Variants in LEMD3 observed in about 807,000 individuals in gnomAD.
The protein encoded by LEMD3 is inner nuclear membrane protein Man1.
A neutral mutation model predicts 95.2 loss-of-function variants in LEMD3; 33 were observed. The ratio of observed to expected loss-of-function variants is 0.35; its 90% CI spans 0.26 to 0.46. LEMD3 has a LOEUF of 0.46. Among genes scored for constraint, LEMD3 ranks in the 20% least tolerant of loss-of-function variants. LEMD3 has a pLI of 1.00. For missense variants in LEMD3, 1,210 were observed against 1,192.8 expected (o/e 1.01, Z -0.21); for synonymous variants, 525 against 474.6 (o/e 1.11, Z -1.38).
chr12:65,208,530 A>G (rs1869832274), intron 1 of LEMD3, among the ~76,000 whole-genome samples: 1 of 152,106 alleles, frequency 6.6e-6, no homozygotes, highest in African/African-American at 2.4e-5. Flanking sequence ...GTAACAGTAT[A>G]TGTTGTTTCC....
rs531177538 is a variant in LEMD3, at chr12:65,243,588, C to T, written c.2387+119C>T. The T allele has an allele frequency of 5.9e-5, 43 of 725,622 alleles. No homozygotes were observed. The African/African-American group carries it at 7.0e-4, about 12-fold the overall frequency. The allele number at this position is 725,622 out of a possible 1,614,324, so 44.9% of individuals were successfully genotyped here. A position where few individuals can be genotyped will look rare whatever the true frequency, so the allele number is the denominator to read the frequency against. Reference sequence around the variant, plus strand: ...AAATGTTTTTCTTCTGAATCTCTACCACAGAAATGTTATGTTTTTCTCTTT... The same window carrying T: ...AAATGTTTTTCTTCTGAATCTCTACTACAGAAATGTTATGTTTTTCTCTTT... On this transcript the variant is annotated intron_variant, in intron 10 of 12. Coordinates refer to ENST00000308330, the MANE Select transcript of LEMD3 (RefSeq NM_014319.5).
At chr12:65,235,990 T>C (rs1870761769) in intron 4 of LEMD3, among the ~76,000 whole-genome samples, 1 of 152,208 alleles carries the variant, frequency 6.6e-6, no homozygotes, top group African/African-American at 2.4e-5. Flanking sequence ...AAAATCCTAA[T>C]AGTAGTTTCA....
intron 1 of LEMD3, among the ~76,000 whole-genome samples, chr12:65,185,029 C>T (rs1304641599): frequency 6.6e-6 from 1 of 151,936 alleles, no homozygotes; most frequent in African/African-American, 2.4e-5. Context: ...CCAGGCTAGC[C>T]TCAAGTAATT....
chr12:65,177,277 G>A (rs952731021), intron 1 of LEMD3, among the ~76,000 whole-genome samples: 11 of 152,180 alleles, frequency 7.2e-5, no homozygotes, highest in African/African-American at 2.7e-4. Flanking sequence ...GGAAGGAGTA[G>A]GGTGATGACA....
At chr12:65,194,140 G>A (rs532186932) in intron 1 of LEMD3, among the ~76,000 whole-genome samples, 1 of 152,198 alleles carries the variant, frequency 6.6e-6, no homozygotes, top group East Asian at 1.9e-4. Context: ...TCTTCCTTCT[G>A]TCAAGGTTCC....
At chr12:65,190,423 G>A (rs1211341310) in intron 1 of LEMD3, among the ~76,000 whole-genome samples, 1 of 152,136 alleles carries the variant, frequency 6.6e-6, no homozygotes, top group Admixed American at 6.6e-5. Flanking sequence ...AACATATACA[G>A]TCTATTCTCT....
chr12:65,242,392 A>C lies in LEMD3; in HGVS notation c.2306-996A>C, dbSNP rs564783612. Among the ~76,000 whole-genome samples, 58 of 152,130 alleles carry C rather than the reference A, an allele frequency of 3.8e-4. 1 individual carries two copies. Among genetic ancestry groups the C allele is most frequent in the Non-Finnish European group, 5.3e-4 (36 of 68,024 alleles). On this transcript the variant is annotated intron_variant, in intron 9 of 12. Coordinates refer to ENST00000308330, the MANE Select transcript of LEMD3 (RefSeq NM_014319.5). The stretch of plus-strand genomic sequence containing the variant: ...ATTTACCATATTGGGATAACTCCCA[A>C]ATTTTTTATTTTGAATGAAGTCTGG...
rs1441766976 is a variant in LEMD3 at position 65,169,896 on chromosome 12, C to T, written c.300C>T (p.Tyr100=). Residue 100 remains tyrosine (Y), a synonymous_variant, in exon 1 of 13, where the codon TAC becomes TAT. Coordinates refer to ENST00000308330, the MANE Select transcript of LEMD3 (RefSeq NM_014319.5). ...GVRPVSGDLS[Y]LRTPGGLCRI... ...GGCCGGTCTCGGGCGACCTCTCCTA[C>T]TTACGGACTCCTGGGGGCCTGTGCC... 2 of 1,451,944 alleles carry T rather than the reference C, an allele frequency of 1.4e-6. No individual in the cohort carries two copies. Among genetic ancestry groups the T allele is most frequent in the African/African-American group, 1.5e-5 (1 of 68,924 alleles). The allele number at this position is 1,451,944 out of a possible 1,614,324, so 89.9% of individuals were successfully genotyped here. A position where few individuals can be genotyped will look rare whatever the true frequency, so the allele number is the denominator to read the frequency against.
chr12:65,180,989 A>AACACACACACACACAC (rs71096029), intron 1 of LEMD3, among the ~76,000 whole-genome samples: 46 of 149,176 alleles, frequency 3.1e-4, no homozygotes, highest in African/African-American at 1.1e-3. Flanking sequence ...TATGTACACA[A>AACACACACACACACAC]ACACACACAC....
chr12:65,190,682 C>A (rs922985567), intron 1 of LEMD3, among the ~76,000 whole-genome samples: 2 of 152,190 alleles, frequency 1.3e-5, no homozygotes, highest in East Asian at 3.9e-4. Context: ...ACCCCAAACA[C>A]CATAGGCACA....
At chr12:65,194,192 C>T (rs968656279) in intron 1 of LEMD3, among the ~76,000 whole-genome samples, 6 of 152,178 alleles carry the variant, frequency 3.9e-5, no homozygotes, top group African/African-American at 1.4e-4. Context: ...TGCTCAAGTT[C>T]CACAGTTGGC....
rs756800816 is a variant in LEMD3 at position 65,169,827 on chromosome 12, AGCCGCGGGACCAGCGGCGGCGGCG to A, written c.240_263del (p.Pro81_Gly88del). On this transcript the variant is annotated inframe_deletion, in exon 1 of 13. Transcript: ENST00000308330. ...ATAACACGGCAGCCGCCACGGTCGC[AGCCGCGGGACCAGCGGCGGCGGCG>A]GCCGCGGGGATGGGGGTCCGGCCGG... 1.8e-3 allele frequency: 2,706 copies of A among 1,483,558 alleles called. 4 individuals carry two copies. Among genetic ancestry groups the A allele is most frequent in the Non-Finnish European group, 2.2e-3 (2,450 of 1,115,008 alleles). The allele number at this position is 1,483,558 out of a possible 1,614,324, so 91.9% of individuals were successfully genotyped here. A position where few individuals can be genotyped will look rare whatever the true frequency, so the allele number is the denominator to read the frequency against.
Position 65,243,377 on chromosome 12 carries a change from GT to G in LEMD3, c.2306-5del. On this transcript the variant is annotated splice_polypyrimidine_tract_variant and intron_variant, in intron 9 of 12. Coordinates refer to ENST00000308330, the MANE Select transcript of LEMD3 (RefSeq NM_014319.5). The stretch of plus-strand genomic sequence containing the variant: ...CAATGTCAAATAGTAAAACTAACTT[GT>G]TTTTTGTAGCATTTCATTTAGATAG... 6.6e-7 allele frequency: 1 copy of G among 1,514,962 alleles called. No individual in the cohort carries two copies. Among genetic ancestry groups the G allele is most frequent in the South Asian group, 1.1e-5 (1 of 89,060 alleles). 93.8% of individuals were successfully genotyped at this position (1,514,962 alleles called of 1,614,324 possible).
chr12:65,170,419 G>A lies in LEMD3; in HGVS notation c.823G>A (p.Val275Ile), dbSNP rs1466799996. Residue 275 changes from valine to isoleucine, a missense_variant, in exon 1 of 13, where the codon GTA becomes ATA. Transcript: ENST00000308330. ...DDDDVASSRQ[V>I]LKDDSLSRHR... ...CGACGACGTGGCCTCCAGCAGACAG[G>A]TATTAAAGGACGACTCCCTTTCCCG... 5 of 1,614,050 alleles carry A rather than the reference G, an allele frequency of 3.1e-6. No individual in the cohort carries two copies. The highest frequency in any genetic ancestry group is 1.1e-5 in the South Asian group (1 of 91,078).
At chr12:65,191,924 CAAAAAAAAAAAAAA>C (rs35109917) in intron 1 of LEMD3, among the ~76,000 whole-genome samples, 1 of 74,324 alleles carries the variant, frequency 1.3e-5, no homozygotes, top group Non-Finnish European at 2.5e-5. Context: ...GACTCCGTCT[CAAAAAAAAAAAAAA>C]AAAAAAAAAG....
At chr12:65,212,840 A>G (rs1379734511) in intron 2 of LEMD3, among the ~76,000 whole-genome samples, 1 of 152,206 alleles carries the variant, frequency 6.6e-6, no homozygotes, top group Admixed American at 6.5e-5. Context: ...ATTTAAGCTG[A>G]AATATTAGGA....
At chr12:65,184,536 A>G (rs1239004931) in intron 1 of LEMD3, among the ~76,000 whole-genome samples, 2 of 151,958 alleles carry the variant, frequency 1.3e-5, no homozygotes, top group Non-Finnish European at 2.9e-5. Flanking sequence ...CATCTCTTTA[A>G]TTTCTGTTTT....
At chr12:65,232,710 T>C (rs796836591) in intron 4 of LEMD3, among the ~76,000 whole-genome samples, 16 of 152,284 alleles carry the variant, frequency 1.1e-4, no homozygotes, top group African/African-American at 3.6e-4. Flanking sequence ...TGGTGGAACA[T>C]TGAAGAAATA....
rs1334277767 is a variant in LEMD3, at chr12:65,240,924, A to G, written c.2142A>G (p.Lys714=). 7 of 1,614,036 alleles carry G rather than the reference A, an allele frequency of 4.3e-6. No individual in the cohort carries two copies. The highest frequency in any genetic ancestry group is 2.2e-5 in the East Asian group (1 of 44,876). The change falls in exon 9 of 13, where the codon AAA becomes AAG. Residue 714 remains lysine (K), a synonymous_variant. Coordinates refer to ENST00000308330, the MANE Select transcript of LEMD3 (RefSeq NM_014319.5). Reference sequence around the variant, plus strand: ...CACATGATAGGAAAAAAATGAAGAAAGTCTGGGATAGAGCTGTTGACTTCC... The same window carrying G: ...CACATGATAGGAAAAAAATGAAGAAGGTCTGGGATAGAGCTGTTGACTTCC... ...IQPHDRKKMK[K]VWDRAVDFLA...
Sources: allele counts gnomAD v4.1 joint callset (sites outside exome capture counted in the v4.1 genomes callset), GRCh38; gene constraint gnomAD v4.1.1; transcripts MANE v1.5; gene names NCBI Gene and HGNC (gene_info 2026-07-23, HGNC 2026-07-21).